Variants in RBFOX1 observed in about 807,000 individuals in gnomAD.
The protein encoded by RBFOX1 is RNA binding protein fox-1 homolog 1.
In RBFOX1, 8 loss-of-function variants were observed where a neutral mutation model predicts 57.7. The ratio of observed to expected loss-of-function variants is 0.14; its 90% CI spans 0.08 to 0.25. The LOEUF is 0.25. Among genes scored for constraint, RBFOX1 ranks in the 10% least tolerant of loss-of-function variants. RBFOX1 has a pLI of 1.00. For missense variants in RBFOX1, 611 were observed against 548.5 expected (o/e 1.11, Z -1.14); for synonymous variants, 326 against 222.4 (o/e 1.47, Z -4.15).
rs570961963 is a variant in RBFOX1, at chr16:5,612,322, C to T, written c.318+13361C>T. On this transcript the variant is annotated intron_variant, in intron 3 of 19. Coordinates refer to the RBFOX1 transcript ENST00000641259. ...CCACCCACTTTCCCATCTACTCATC[C>T]ACCTATCCACCACTCCATCTGTCCA... Among the ~76,000 whole-genome samples, 10 of 152,216 alleles carry T rather than the reference C, an allele frequency of 6.6e-5. No homozygotes were observed. The East Asian group carries it at 1.5e-3, about 24-fold the overall frequency.
At chr16:6,892,763 CCTCCCTGT>C (rs1319245389) in intron 3 of RBFOX1, among the ~76,000 whole-genome samples, 8 of 133,398 alleles carry the variant, frequency 6.0e-5, no homozygotes, top group Non-Finnish European at 7.8e-5. Context: ...ATTCTCAAAG[CCTCCCTGT>C]CTCCCTCTCT....
chr16:6,831,329 T>C (rs1003196730), intron 3 of RBFOX1, among the ~76,000 whole-genome samples: 3 of 152,208 alleles, frequency 2.0e-5, no homozygotes, highest in Admixed American at 2.0e-4. Flanking sequence ...TCCTGTTTTT[T>C]CCAATGTCTT....
At chr16:6,649,258 A>G (rs74681391) in intron 2 of RBFOX1, among the ~76,000 whole-genome samples, 6,924 of 152,272 alleles carry the variant, frequency 0.045, 442 homozygotes, top group Admixed American at 0.16. Context: ...CCATGTCATC[A>G]CAGTGACAGG....
At chr16:7,022,758 A>T (rs1185304534) in intron 3 of RBFOX1, among the ~76,000 whole-genome samples, 1 of 152,170 alleles carries the variant, frequency 6.6e-6, no homozygotes, top group South Asian at 2.1e-4. Context: ...ACAGTTTCCT[A>T]ATGTTTGGTA....
chr16:7,416,933 G>A (rs1440883433), intron 4 of RBFOX1, among the ~76,000 whole-genome samples: 1 of 152,292 alleles, frequency 6.6e-6, no homozygotes, highest in East Asian at 1.9e-4. Context: ...GAAAACTGGG[G>A]CTTAGAGAAG....
At chr16:5,594,244 A>T (rs139409701) in intron 2 of RBFOX1, among the ~76,000 whole-genome samples, 79 of 152,232 alleles carry the variant, frequency 5.2e-4, no homozygotes, top group African/African-American at 1.8e-3. Context: ...TCTTTATTCT[A>T]TGTGACTATA....
At chr16:6,246,422 G>A (rs1266603970) in intron 1 of RBFOX1, among the ~76,000 whole-genome samples, 2 of 152,116 alleles carry the variant, frequency 1.3e-5, no homozygotes, top group African/African-American at 4.8e-5. Flanking sequence ...GCAAGGGATT[G>A]CAAGTAACAG....
At chr16:7,319,212 A>G (rs543264965) in intron 4 of RBFOX1, among the ~76,000 whole-genome samples, 1 of 152,308 alleles carries the variant, frequency 6.6e-6, no homozygotes, top group East Asian at 1.9e-4. Context: ...CCGTAATCCT[A>G]AAAACAAATG....
chr16:6,657,050 C>CTCCTCCCCTTTCCTCTCCTG (rs2098662224), intron 3 of RBFOX1, among the ~76,000 whole-genome samples: 6 of 64,020 alleles, frequency 9.4e-5, no homozygotes, highest in South Asian at 8.8e-4. Flanking sequence ...TTCCTCTCCT[C>CTCCTCCCCTTTCCTCTCCTG]TCCTCCCCTT....
intron 2 of RBFOX1, among the ~76,000 whole-genome samples, chr16:6,426,612 C>G (rs1427677663): frequency 6.6e-6 from 1 of 152,088 alleles, no homozygotes; most frequent in East Asian, 1.9e-4. Flanking sequence ...GCCTGGGCAA[C>G]AGAACGACAC....
At chr16:5,418,163 C>T (rs914085511) in intron 1 of RBFOX1, among the ~76,000 whole-genome samples, 2 of 152,230 alleles carry the variant, frequency 1.3e-5, no homozygotes, top group African/African-American at 2.4e-5. Flanking sequence ...TGCATTAAAA[C>T]CTTTTCTTAT....
chr16:5,457,257 C>G (rs1386673677), intron 1 of RBFOX1, among the ~76,000 whole-genome samples: 2 of 152,164 alleles, frequency 1.3e-5, no homozygotes, highest in African/African-American at 4.8e-5. Context: ...GCCTCAGCCT[C>G]CCAAGTAACT....
chr16:5,523,641 A>G (rs1348534480), intron 2 of RBFOX1, among the ~76,000 whole-genome samples: 3 of 152,144 alleles, frequency 2.0e-5, no homozygotes, highest in African/African-American at 7.2e-5. Flanking sequence ...ACAAACAAAC[A>G]AACAGAAACA....
chr16:7,676,654 T>C (rs2073362640), intron 13 of RBFOX1, 120 bp from the exon 14 acceptor site: 3 of 868,774 alleles, frequency 3.5e-6, no homozygotes, highest in African/African-American at 3.3e-5. Flanking sequence ...TAAGCTTTCA[T>C]TAACCTCAAC....
At chr16:5,645,937 G>A (rs568265550) in intron 3 of RBFOX1, among the ~76,000 whole-genome samples, 36 of 152,312 alleles carry the variant, frequency 2.4e-4, no homozygotes, top group African/African-American at 7.9e-4. Flanking sequence ...CTGGGCTCAA[G>A]TGATTTTCCT....
At chr16:7,007,439 T>C (rs2093365904) in intron 3 of RBFOX1, among the ~76,000 whole-genome samples, 2 of 152,218 alleles carry the variant, frequency 1.3e-5, no homozygotes, top group South Asian at 2.1e-4. Flanking sequence ...GTCATCTCCG[T>C]ATTTTTAGGT....
chr16:5,461,348 G>C (rs993667822), intron 1 of RBFOX1, among the ~76,000 whole-genome samples: 1 of 152,106 alleles, frequency 6.6e-6, no homozygotes, highest in East Asian at 1.9e-4. Flanking sequence ...CGTTTCCCAC[G>C]CCTCCTTTCC....
intron 4 of RBFOX1, among the ~76,000 whole-genome samples, chr16:7,167,240 C>G (rs2079757492): frequency 6.6e-6 from 1 of 151,828 alleles, no homozygotes; most frequent in Non-Finnish European, 1.5e-5. Flanking sequence ...CCAGCTTCTG[C>G]CTACCAAAGT....
chr16:7,083,733 G>A (rs2059552879), intron 4 of RBFOX1, among the ~76,000 whole-genome samples: 1 of 152,078 alleles, frequency 6.6e-6, no homozygotes, highest in African/African-American at 2.4e-5. Flanking sequence ...CTAGAGATGG[G>A]CAAGAGCCTG....
Sources: gnomAD v4.1 joint callset for allele counts (sites outside exome capture counted in the v4.1 genomes callset) on GRCh38, gnomAD v4.1.1 for gene constraint, MANE v1.5 for transcripts, NCBI Gene and HGNC (gene_info 2026-07-23, HGNC 2026-07-21) for gene names.